RPS20: variants seen among roughly 807,000 people sequenced by gnomAD.
RPS20 encodes ribosomal protein S20, also known as small ribosomal subunit protein uS10.
A neutral mutation model predicts 15.3 loss-of-function variants in RPS20; 3 were observed. The ratio of observed to expected loss-of-function variants is 0.20; its 90% CI spans 0.09 to 0.51. RPS20 has a LOEUF of 0.51. Among genes scored for constraint, RPS20 ranks in the 20% least tolerant of loss-of-function variants. The pLI is 0.96. For missense variants in RPS20, 67 were observed against 145.9 expected, an observed-to-expected ratio of 0.46 and a Z score of 2.79; for synonymous variants, 62 against 47.8, an observed-to-expected ratio of 1.30 and a Z score of -1.23.
chr8:56,068,128 T>C (rs1809658348), downstream of RPS20: 1 of 152,212 alleles, frequency 6.6e-6, no homozygotes, highest in Non-Finnish European at 1.5e-5. Flanking sequence ...TGACAATCCT[T>C]AAAACTGAGT....
At chr8:56,067,653 T>A (rs1809648896) in exon 6 of RPS20, 1 of 148,846 alleles carries the variant, frequency 6.7e-6, no homozygotes, top group Non-Finnish European at 1.5e-5. Flanking sequence ...GCCACTGCAC[T>A]CCAGCCTGGG....
At chr8:56,069,307 G>A (rs1377818966), downstream of RPS20, among the ~76,000 whole-genome samples, 2 of 151,694 alleles carry the variant, frequency 1.3e-5, no homozygotes, top group Non-Finnish European at 2.9e-5. Context: ...CAGTGGACTC[G>A]ATCCACTGCA....
downstream of RPS20, chr8:56,069,601 A>T: frequency 1.2e-6 from 1 of 845,924 alleles, no homozygotes; most frequent in Non-Finnish European, 1.9e-6. Context: ...GCCCAGCCAT[A>T]GTTCCTCTTA....
chr8:56,069,082 C>T (rs7004564), downstream of RPS20, among the ~76,000 whole-genome samples: 346 of 151,218 alleles, frequency 2.3e-3, 1 homozygote, highest in African/African-American at 7.7e-3. Context: ...AGGATATGCA[C>T]AATATGTGAG....
chr8:56,069,238 CT>C (rs1445597187), downstream of RPS20, among the ~76,000 whole-genome samples: 1 of 149,140 alleles, frequency 6.7e-6, no homozygotes, highest in Non-Finnish European at 1.5e-5. Flanking sequence ...CTCTGACTTA[CT>C]TTTTCCTTTA....
chr8:56,074,197 A>G (rs764709548), intron 1 of RPS20, 38 bp from the exon 2 acceptor site: 1 of 1,575,010 alleles, frequency 6.3e-7, no homozygotes, highest in Non-Finnish European at 8.7e-7. Context: ...ATAAGCCAAA[A>G]ATGGTCTGCC....
rs1563348187 is a variant in RPS20 at position 56,073,934 on chromosome 8, G to A, written c.103+126C>T. The A allele has an allele frequency of 9.0e-6, 10 of 1,111,668 alleles. No homozygotes were observed. The East Asian group carries it at 1.9e-4, about 21-fold the overall frequency. The allele number at this position is 1,111,668 out of a possible 1,614,324, so 68.9% of individuals were successfully genotyped here. A position where few individuals can be genotyped will look rare whatever the true frequency, so the allele number is the denominator to read the frequency against. On this transcript the variant is annotated intron_variant, in intron 2 of 3. Coordinates refer to ENST00000009589, the MANE Select transcript of RPS20 (RefSeq NM_001023.4). Reference sequence around the variant, plus strand: ...GACAGTAAAAGCAATTTTAAGCCACGCTTTACTTTTTTAAGTAACTTGTCA... The same window carrying A: ...GACAGTAAAAGCAATTTTAAGCCACACTTTACTTTTTTAAGTAACTTGTCA...
downstream of RPS20, among the ~76,000 whole-genome samples, chr8:56,071,927 C>G (rs1341070187): frequency 6.6e-6 from 1 of 152,180 alleles, no homozygotes; most frequent in Non-Finnish European, 1.5e-5. Flanking sequence ...GTTTAGCAAA[C>G]CTGTAAGGGT....
chr8:56,073,576 A>G (rs1809832273), intron 3 of RPS20, 119 bp downstream of exon 3: 9 of 810,840 alleles, frequency 1.1e-5, no homozygotes, highest in Non-Finnish European at 1.9e-5. Context: ...ACCGATTTCT[A>G]TGTGCGTTTG....
downstream of RPS20, among the ~76,000 whole-genome samples, chr8:56,071,908 C>T (rs1809771043): frequency 6.6e-6 from 1 of 152,180 alleles, no homozygotes; most frequent in Non-Finnish European, 1.5e-5. Context: ...TAGAAACTTT[C>T]CCCAATAAGT....
intron 2 of RPS20, 107 bp downstream of exon 2, chr8:56,073,953 C>G (rs1194088291): frequency 8.6e-7 from 1 of 1,161,932 alleles, no homozygotes; most frequent in Admixed American, 1.7e-5. Flanking sequence ...TTTTAAGTAA[C>G]TTGTCACTTT....
chr8:56,069,805 A>G (rs1357359525), downstream of RPS20: 8 of 1,544,780 alleles, frequency 5.2e-6, no homozygotes, highest in African/African-American at 6.8e-5. Flanking sequence ...CTCTGTATCC[A>G]TGGGTTCTGC....
downstream of RPS20, chr8:56,072,754 C>T (rs1168994892): frequency 7.4e-6 from 3 of 403,618 alleles, no homozygotes; most frequent in African/African-American, 2.2e-5. Flanking sequence ...TGCCTACTAG[C>T]GCACTAGGTT....
At chr8:56,071,969 C>G (rs1809773426), downstream of RPS20, among the ~76,000 whole-genome samples, 1 of 152,196 alleles carries the variant, frequency 6.6e-6, no homozygotes, top group East Asian at 1.9e-4. Flanking sequence ...AGGCTGGGTA[C>G]AGTGGCTCAC....
chr8:56,068,532 TAAAAAAAA>T (rs377676613), downstream of RPS20: 1 of 72,998 alleles, frequency 1.4e-5, no homozygotes, highest in African/African-American at 5.9e-5. Flanking sequence ...AGAAAGACTC[TAAAAAAAA>T]AAAAAAAAAA....
At chr8:56,073,947 A>G (rs1391376710) in intron 2 of RPS20, 113 bp downstream of exon 2, 1 of 1,140,822 alleles carries the variant, frequency 8.8e-7, no homozygotes. Flanking sequence ...TTACTTTTTT[A>G]AGTAACTTGT....
downstream of RPS20, chr8:56,068,531 C>CT (rs1809667489): frequency 2.5e-5 from 2 of 81,326 alleles, no homozygotes; most frequent in South Asian, 3.3e-4. Flanking sequence ...GAGAAAGACT[C>CT]TAAAAAAAAA....
chr8:56,070,366 C>T (rs771443854), downstream of RPS20, among the ~76,000 whole-genome samples: 2 of 152,186 alleles, frequency 1.3e-5, no homozygotes, highest in African/African-American at 4.8e-5. Context: ...GCTAGAGATT[C>T]TACTTCTGTA....
chr8:56,074,166 T>A lies in RPS20; in HGVS notation c.4-7A>T, dbSNP rs1394608008. The stretch of plus-strand genomic sequence containing the variant: ...TTCCGGTATCCTTAAAAGCCTATTA[T>A]TAGATACATGAAAAAGAACAATAAG... On this transcript the variant is annotated splice_polypyrimidine_tract_variant and splice_region_variant and intron_variant, in intron 1 of 3. Coordinates refer to ENST00000009589, the MANE Select transcript of RPS20 (RefSeq NM_001023.4). 3 of 1,607,054 alleles carry A rather than the reference T, an allele frequency of 1.9e-6. No homozygotes were observed. The highest frequency in any genetic ancestry group is 2.5e-6 in the Non-Finnish European group (3 of 1,177,296).
Sources: gnomAD v4.1 joint callset for allele counts (sites outside exome capture counted in the v4.1 genomes callset) on GRCh38, gnomAD v4.1.1 for gene constraint, MANE v1.5 for transcripts, NCBI Gene and HGNC (gene_info 2026-07-23, HGNC 2026-07-21) for gene names.